Variants in PRKDC observed in about 807,000 individuals in gnomAD.
PRKDC encodes the protein DNA-dependent protein kinase catalytic subunit.
A neutral mutation model predicts 486.9 loss-of-function variants in PRKDC; 82 were observed. The ratio of observed to expected loss-of-function variants is 0.17; its 90% CI spans 0.14 to 0.20. The LOEUF (loss-of-function observed/expected upper bound fraction) is 0.20, where lower values mean the gene tolerates loss of function less well. Among genes scored for constraint, PRKDC ranks in the 10% least tolerant of loss-of-function variants. PRKDC has a pLI of 1.00. For missense variants in PRKDC, 4,504 were observed against 5,038.2 expected (o/e 0.89, Z 3.21); for synonymous variants, 1,895 against 1,837.0 (o/e 1.03, Z -0.81).
At chr8:47,793,795 C>A (rs986414240) in intron 74 of PRKDC, among the ~76,000 whole-genome samples, 1 of 150,648 alleles carries the variant, frequency 6.6e-6, no homozygotes, top group Admixed American at 6.6e-5. Flanking sequence ...CAAAAAACCC[C>A]AAAACCTCAT....
intron 76 of PRKDC, among the ~76,000 whole-genome samples, chr8:47,787,558 T>G (rs2086810968): frequency 6.6e-6 from 1 of 152,232 alleles, no homozygotes; most frequent in Non-Finnish European, 1.5e-5. Context: ...ATAGATTTTC[T>G]AAGGTACTAG....
At chr8:47,859,953 T>C (rs917633640) in intron 45 of PRKDC, among the ~76,000 whole-genome samples, 194 bp from the exon 46 acceptor site, 1 of 152,216 alleles carries the variant, frequency 6.6e-6, no homozygotes, top group Admixed American at 6.5e-5. Context: ...TTTCTTTTTG[T>C]TGTTATCAAG....
At chr8:47,834,757 C>T (rs1353614329) in intron 58 of PRKDC, among the ~76,000 whole-genome samples, 2 of 140,986 alleles carry the variant, frequency 1.4e-5, no homozygotes, top group African/African-American at 5.4e-5. Flanking sequence ...GTGGCGCGAT[C>T]TCGGCTCACT....
chr8:47,884,632 A>G (rs2154501612), intron 36 of PRKDC, among the ~76,000 whole-genome samples: 1 of 152,318 alleles, frequency 6.6e-6, no homozygotes, highest in Non-Finnish European at 1.5e-5. Context: ...CTACGATTTT[A>G]TTTCTAATTT....
chr8:47,909,216 T>C lies in PRKDC; in HGVS notation c.2934+3194A>G, dbSNP rs376203041. Among the ~76,000 whole-genome samples, 644 of 152,284 alleles carry C rather than the reference T, an allele frequency of 4.2e-3. 4 individuals carry two copies. The highest frequency in any genetic ancestry group is 0.025 in the South Asian group (120 of 4,818). ...CAGGGACCCCACACGGAGGGACCGG[T>C]TGGAGCCGAGGCAGAAGAACGTAAA... is the stretch of plus-strand genomic sequence containing the variant. On this transcript the variant is annotated intron_variant, in intron 25 of 85. Transcript: ENST00000314191.
rs555384593 is a variant in PRKDC, at chr8:47,819,689, A to G, written c.9337-179T>C. ...ACAGTTAACAAATAGTTTAAATTTT[A>G]AAAAAAAATTTAAGGTTTCAATAAC... On this transcript the variant is annotated intron_variant, in intron 66 of 85. Coordinates refer to ENST00000314191, the MANE Select transcript of PRKDC (RefSeq NM_006904.7). Among the ~76,000 whole-genome samples, 5 of 151,884 alleles carry G rather than the reference A, an allele frequency of 3.3e-5. No homozygotes were observed. In the South Asian group the frequency reaches 1.0e-3, roughly 32 times the overall value.
rs2086629044 is a variant in PRKDC, at chr8:47,777,671, TG to T, written c.12042+14del. Reference sequence around the variant, plus strand: ...CTGTCACAAAAGTGAAAAGTGCACATGAAACAAAACCTACTTTCCAATCAAA... The same window carrying T: ...CTGTCACAAAAGTGAAAAGTGCACATAAACAAAACCTACTTTCCAATCAAA... On this transcript the variant is annotated intron_variant, in intron 84 of 85. Coordinates refer to ENST00000314191, the MANE Select transcript of PRKDC (RefSeq NM_006904.7). 1.3e-6 allele frequency: 2 copies of T among 1,564,732 alleles called. No individual in the cohort carries two copies. Among genetic ancestry groups the T allele is most frequent in the Non-Finnish European group, 1.7e-6 (2 of 1,151,660 alleles).
intron 45 of PRKDC, 112 bp downstream of exon 45, chr8:47,860,787 G>T: frequency 2.7e-6 from 2 of 749,708 alleles, no homozygotes; most frequent in Non-Finnish European, 2.1e-6. Context: ...GGTACTTAAA[G>T]TATTTTCTAT....
Position 47,847,772 on chromosome 8 carries a change from C to A in PRKDC, c.7280+1382G>T, listed in dbSNP as rs80078524. On this transcript the variant is annotated intron_variant, in intron 54 of 85. Transcript: ENST00000314191. ...TATGCACCTAACGAAGGTCTAATAT[C>A]CAGAATCCATAAAAAACTTAATTCA... Among the ~76,000 whole-genome samples the A allele has an allele frequency of 1.5e-4, 23 of 151,702 alleles. No homozygotes were observed. In the East Asian group the frequency reaches 4.3e-3, roughly 28 times the overall value.
rs1275453572 is a variant in PRKDC, at chr8:47,927,850, G to A, written c.2180C>T (p.Ala727Val). 1.3e-6 allele frequency: 2 copies of A among 1,596,090 alleles called. No homozygotes were observed. Among genetic ancestry groups the A allele is most frequent in the Admixed American group, 1.8e-5 (1 of 57,124 alleles). ...KMKQYKDELLASCLTFLLSLP... is the reference protein window; with the variant it reads ...KMKQYKDELLVSCLTFLLSLP... ...GGACAGAAGAAAGGTCAAACAAGAG[G>A]CCAAAAGTTCATCTTTGTACTGCTT... Residue 727 changes from alanine to valine, a missense_variant, in exon 20 of 86, where the codon GCC becomes GTC. Ala to Val is a moderately conservative substitution (Grantham distance 64). This residue lies in a region of PRKDC where 1,969 missense variants were observed against 2,068.9 expected (regional missense o/e 0.95). Transcript: ENST00000314191.
At position 47,834,200 on chromosome 8, in the gene PRKDC, C is replaced by T. The variant is rs1257751105; in HGVS notation, c.8148G>A (p.Val2716=). ...ACACTCAGCAACCCAGCTTACCTTTCACTTTGTTATCCACCTCGTCCCCTG... is the reference window on the plus strand; with the variant it reads ...ACACTCAGCAACCCAGCTTACCTTTTACTTTGTTATCCACCTCGTCCCCTG... The part of the protein sequence containing the change: ...GLPGDEVDNK[V]KGAAGRTDLL... The change falls in exon 59 of 86, where the codon GTG becomes GTA. Residue 2716 remains valine (V), a synonymous_variant. Coordinates refer to ENST00000314191, the MANE Select transcript of PRKDC (RefSeq NM_006904.7). The T allele has an allele frequency of 3.1e-6, 5 of 1,614,038 alleles. No homozygotes were observed. Among genetic ancestry groups the T allele is most frequent in the Middle Eastern group, 3.3e-4 (2 of 6,062 alleles).
intron 7 of PRKDC, among the ~76,000 whole-genome samples, chr8:47,948,873 C>T (rs186081283): frequency 1.4e-4 from 22 of 152,298 alleles, no homozygotes; most frequent in Admixed American, 1.3e-3. Flanking sequence ...GGCTTAAATC[C>T]CAGACTTGCC....
chr8:47,802,621 G>A (rs975931261), intron 70 of PRKDC, among the ~76,000 whole-genome samples: 1 of 151,452 alleles, frequency 6.6e-6, no homozygotes, highest in African/African-American at 2.4e-5. Flanking sequence ...TCGAAGACAG[G>A]CGCCTGCCAC....
intron 27 of PRKDC, among the ~76,000 whole-genome samples, chr8:47,901,651 C>T (rs1010775349): frequency 5.3e-5 from 8 of 152,210 alleles, no homozygotes; most frequent in African/African-American, 1.9e-4. Context: ...GCTCATTTGC[C>T]TATGTGGCTA....
intron 26 of PRKDC, among the ~76,000 whole-genome samples, chr8:47,903,596 A>T (rs2089724348): frequency 6.6e-6 from 1 of 152,158 alleles, no homozygotes; most frequent in African/African-American, 2.4e-5. Context: ...TGCAGGGAAG[A>T]GCAGCTCTCA....
chr8:47,856,835 T>A (rs951132184), intron 49 of PRKDC, among the ~76,000 whole-genome samples: 38 of 152,172 alleles, frequency 2.5e-4, no homozygotes, highest in Admixed American at 2.4e-3. Flanking sequence ...CCATTCAGGG[T>A]TGGTTGAAAT....
chr8:47,843,907 GA>G (rs2088208684), intron 54 of PRKDC, among the ~76,000 whole-genome samples: 1 of 152,208 alleles, frequency 6.6e-6, no homozygotes, highest in Admixed American at 6.5e-5. Context: ...TGCTAAACAT[GA>G]AACAGAAGAA....
intron 52 of PRKDC, among the ~76,000 whole-genome samples, chr8:47,849,718 C>T (rs1563765858): frequency 6.6e-6 from 1 of 152,218 alleles, no homozygotes; most frequent in Non-Finnish European, 1.5e-5. Flanking sequence ...GTTCCTACAC[C>T]TCGGTGAGCC....
At chr8:47,891,311 CTT>C (rs2089450847) in intron 31 of PRKDC, among the ~76,000 whole-genome samples, 1 of 152,188 alleles carries the variant, frequency 6.6e-6, no homozygotes, top group Non-Finnish European at 1.5e-5. Context: ...GTTTCTAATT[CTT>C]TGTTTCCAAC....
Sources: gnomAD v4.1 joint callset for allele counts (sites outside exome capture counted in the v4.1 genomes callset) on GRCh38, gnomAD v4.1.1 for gene constraint, gnomAD v4.1.1 regional missense constraint, MANE v1.5 for transcripts, NCBI Gene and HGNC (gene_info 2026-07-23, HGNC 2026-07-21) for gene names.